HAUS8: variants seen among roughly 807,000 people sequenced by gnomAD.
HAUS8 encodes the protein HAUS augmin-like complex subunit 8.
A neutral mutation model predicts 42.9 loss-of-function variants in HAUS8; 38 were observed. The observed-to-expected ratio is 0.89, with a 90% CI of 0.68 to 1.16. The LOEUF is 1.16. Among genes scored for constraint, HAUS8 ranks in the 50% most tolerant of loss-of-function variants. HAUS8 has a pLI of 0.00. For synonymous variants in HAUS8, 199 were observed against 205.8 expected (o/e 0.97, Z 0.28); for missense variants, 494 against 511.6 (o/e 0.97, Z 0.33).
At chr19:17,073,005 T>C (rs1377850619) in intron 2 of HAUS8, among the ~76,000 whole-genome samples, 2 of 148,792 alleles carry the variant, frequency 1.3e-5, no homozygotes, top group Non-Finnish European at 3.0e-5. Context: ...CTCCATGGTC[T>C]CCACACCCAC....
At chr19:17,061,981 A>G (rs2057363536) in intron 4 of HAUS8, among the ~76,000 whole-genome samples, 1 of 152,222 alleles carries the variant, frequency 6.6e-6, no homozygotes, top group Admixed American at 6.5e-5. Context: ...CATCTACACC[A>G]GGAGTGGCAA....
intron 10 of HAUS8, among the ~76,000 whole-genome samples, chr19:17,051,368 T>C (rs1454501766): frequency 7.4e-6 from 1 of 134,908 alleles, no homozygotes. Flanking sequence ...AGCGCGTGGT[T>C]AGAAATCTCC....
intron 3 of HAUS8, among the ~76,000 whole-genome samples, chr19:17,065,596 G>A (rs1375796963): frequency 2.6e-5 from 4 of 152,238 alleles, no homozygotes; most frequent in Non-Finnish European, 4.4e-5. Context: ...TTGAGAGGCC[G>A]AGGTGGGCAG....
intron 1 of HAUS8, chr19:17,073,561 G>T: frequency 1.7e-6 from 1 of 573,332 alleles, no homozygotes; most frequent in Non-Finnish European, 3.1e-6. Flanking sequence ...TGAGAAGAGA[G>T]GAGGGTAATG....
Sources: gnomAD v4.1 joint callset for allele counts (sites outside exome capture counted in the v4.1 genomes callset) on GRCh38, gnomAD v4.1.1 for gene constraint, MANE v1.5 for transcripts, NCBI Gene and HGNC (gene_info 2026-07-23, HGNC 2026-07-21) for gene names.